CWH43: variants seen among roughly 807,000 people sequenced by gnomAD.
The protein encoded by CWH43 is PGAP2-interacting protein.
CWH43 carries 91 observed loss-of-function variants against 85.7 expected under a neutral mutation model. The observed-to-expected ratio is 1.06, with a 90% CI of 0.90 to 1.26. CWH43 has a LOEUF of 1.26. CWH43 is among the 50% of genes most tolerant of loss of function. CWH43 has a pLI of 0.00. For missense variants in CWH43, 869 were observed against 839.2 expected, an observed-to-expected ratio of 1.04 and a Z score of -0.44; for synonymous variants, 323 against 293.6, an observed-to-expected ratio of 1.10 and a Z score of -1.02.
At chr4:49,039,051 C>CT (rs1784352703) in intron 13 of CWH43, among the ~76,000 whole-genome samples, 1 of 146,094 alleles carries the variant, frequency 6.8e-6, no homozygotes, top group Admixed American at 7.2e-5. Context: ...GAGCGAGACT[C>CT]TGTCTCAAAA....
At position 49,038,253 on chromosome 4, in the gene CWH43, C is replaced by A. The variant is rs1178814377; in HGVS notation, c.1803+73C>A. On this transcript the variant is annotated intron_variant, in intron 13 of 15. Coordinates refer to ENST00000226432, the MANE Select transcript of CWH43 (RefSeq NM_025087.3). ...TTTTTCTTTCATGTTTTTAAAAAAA[C>A]CAACCTCACCTAAAAATTTCATGTG... is the stretch of plus-strand genomic sequence containing the variant. 1.9e-5 allele frequency: 25 copies of A among 1,328,490 alleles called. No individual in the cohort carries two copies. In the East Asian group the frequency reaches 3.4e-4, roughly 18 times the overall value. 82.3% of individuals were successfully genotyped at this position (1,328,490 alleles called of 1,614,324 possible). A position where few individuals can be genotyped will look rare whatever the true frequency, so the allele number is the denominator to read the frequency against.
intron 15 of CWH43, among the ~76,000 whole-genome samples, chr4:49,055,200 G>C (rs974392558): frequency 6.6e-6 from 1 of 152,052 alleles, no homozygotes; most frequent in African/African-American, 2.4e-5. Context: ...AATTTGTTGA[G>C]AGTTTTTATC....
chr4:49,043,171 A>C (rs1474911100), intron 13 of CWH43, among the ~76,000 whole-genome samples: 2 of 152,198 alleles, frequency 1.3e-5, no homozygotes, highest in Non-Finnish European at 2.9e-5. Context: ...ATATCTATGG[A>C]ATCATAGGGT....
chr4:49,057,522 G>A (rs1475309886), intron 15 of CWH43, among the ~76,000 whole-genome samples: 4 of 152,158 alleles, frequency 2.6e-5, no homozygotes, highest in Non-Finnish European at 4.4e-5. Flanking sequence ...TTTCCCTCTA[G>A]CTTAGTGATT....
chr4:49,004,889 T>G (rs1783108222), intron 7 of CWH43, among the ~76,000 whole-genome samples: 1 of 152,168 alleles, frequency 6.6e-6, no homozygotes, highest in African/African-American at 2.4e-5. Context: ...TTTCATAAAC[T>G]TAGTTCAATT....
At chr4:49,047,816 CG>C (rs1784674611) in intron 14 of CWH43, among the ~76,000 whole-genome samples, 1 of 152,120 alleles carries the variant, frequency 6.6e-6, no homozygotes, top group African/African-American at 2.4e-5. Context: ...TGACCTTACT[CG>C]TTCTTGGACA....
intron 2 of CWH43, among the ~76,000 whole-genome samples, chr4:48,990,625 AAGAC>A (rs1419121301): frequency 6.6e-6 from 1 of 152,232 alleles, no homozygotes; most frequent in Non-Finnish European, 1.5e-5. Context: ...ATAATCAAAA[AAGAC>A]AGACAATAAT....
At chr4:49,034,865 GT>G (rs1282178856) in intron 12 of CWH43, among the ~76,000 whole-genome samples, 1 of 152,194 alleles carries the variant, frequency 6.6e-6, no homozygotes, top group Middle Eastern at 3.2e-3. Context: ...CATGAATGTA[GT>G]AAGTGCTCAA....
At chr4:49,054,083 T>C (rs1402097067) in intron 15 of CWH43, among the ~76,000 whole-genome samples, 1 of 152,184 alleles carries the variant, frequency 6.6e-6, no homozygotes, top group African/African-American at 2.4e-5. Context: ...TAAAAAATCA[T>C]TGCCCAGACC....
At chr4:49,017,366 G>GTA (rs760612885) in intron 9 of CWH43, 38 bp downstream of exon 9, 6 of 1,341,010 alleles carry the variant, frequency 4.5e-6, no homozygotes, top group East Asian at 4.6e-5. Context: ...ATTTTATATG[G>GTA]TATATATATG....
At chr4:48,998,326 C>A in intron 5 of CWH43, 134 bp from the exon 6 acceptor site, 1 of 651,446 alleles carries the variant, frequency 1.5e-6, no homozygotes, top group Non-Finnish European at 2.7e-6. Flanking sequence ...AGTGGGCTCT[C>A]ATGATCTCAC....
chr4:49,020,215 C>T (rs1783696765), intron 9 of CWH43, among the ~76,000 whole-genome samples: 3 of 152,060 alleles, frequency 2.0e-5, no homozygotes, highest in African/African-American at 7.2e-5. Flanking sequence ...TTGTATCATT[C>T]TTACACCTTT....
intron 15 of CWH43, among the ~76,000 whole-genome samples, chr4:49,058,820 A>G (rs1785050306): frequency 6.6e-6 from 1 of 152,176 alleles, no homozygotes; most frequent in Non-Finnish European, 1.5e-5. Flanking sequence ...CTACTGAGAA[A>G]CACACTGATA....
chr4:49,015,690 A>C (rs974166024), intron 8 of CWH43, among the ~76,000 whole-genome samples: 5 of 151,854 alleles, frequency 3.3e-5, no homozygotes, highest in African/African-American at 1.2e-4. Context: ...GGACTTTCTT[A>C]TTCTGTTTTC....
intron 8 of CWH43, among the ~76,000 whole-genome samples, chr4:49,011,962 C>G (rs1437647561): frequency 1.3e-5 from 2 of 152,050 alleles, no homozygotes; most frequent in Non-Finnish European, 2.9e-5. Context: ...TGGGGTTGCT[C>G]TTCTTGAGGA....
chr4:49,050,494 C>T (rs1206082209), intron 14 of CWH43, among the ~76,000 whole-genome samples, 200 bp from the exon 15 acceptor site: 1 of 152,136 alleles, frequency 6.6e-6, no homozygotes, highest in East Asian at 1.9e-4. Context: ...AATCTATGTA[C>T]ATATTCTTTA....
Position 49,032,570 on chromosome 4 carries a change from A to C in CWH43, c.1513A>C (p.Met505Leu), listed in dbSNP as rs1370656646. 1 of 1,613,982 alleles carries C rather than the reference A, an allele frequency of 6.2e-7. No individual in the cohort carries two copies. Among genetic ancestry groups the C allele is most frequent in the South Asian group, 1.1e-5 (1 of 91,082 alleles). The change falls in exon 12 of 16, where the codon ATG becomes CTG. Residue 505 changes from methionine to leucine, a missense_variant. Transcript: ENST00000226432. ...PSTRYHTWGI[M>L]ALSRYPIVKS... ...TCTCTTTTCATTCCAATACAGGATT[A>C]TGGCTTTGTCAAGATACCCAATTGT...
chr4:49,039,238 T>A (rs1454709720), intron 13 of CWH43, among the ~76,000 whole-genome samples: 1 of 132,180 alleles, frequency 7.6e-6, no homozygotes, highest in Non-Finnish European at 1.6e-5. Context: ...AACACTTGAA[T>A]TTGTCAGTGT....
At chr4:49,014,877 C>A (rs1783490070) in intron 8 of CWH43, among the ~76,000 whole-genome samples, 1 of 151,970 alleles carries the variant, frequency 6.6e-6, no homozygotes, top group Non-Finnish European at 1.5e-5. Context: ...TACATTGATA[C>A]ATCATTGTCA....
Sources: allele counts gnomAD v4.1 joint callset (sites outside exome capture counted in the v4.1 genomes callset), GRCh38; gene constraint gnomAD v4.1.1; transcripts MANE v1.5; gene names NCBI Gene and HGNC (gene_info 2026-07-23, HGNC 2026-07-21).